The following MED27 variants were observed in gnomAD, a reference collection of about 807,000 sequenced individuals.
The protein encoded by MED27 is mediator of RNA polymerase II transcription subunit 27.
A neutral mutation model predicts 38.2 loss-of-function variants in MED27; 30 were observed. The ratio of observed to expected loss-of-function variants is 0.79; its 90% CI spans 0.59 to 1.07. The LOEUF is 1.07. Among genes scored for constraint, MED27 ranks in the 50% least tolerant of loss-of-function variants. MED27 has a pLI of 0.00. For synonymous variants in MED27, 122 were observed against 153.5 expected (o/e 0.79, Z 1.52); for missense variants, 289 against 397.5 (o/e 0.73, Z 2.32).
At chr9:132,054,908 A>T (rs1833543915) in intron 2 of MED27, among the ~76,000 whole-genome samples, 1 of 152,174 alleles carries the variant, frequency 6.6e-6, no homozygotes, top group African/African-American at 2.4e-5. Context: ...GCCTGTCAGA[A>T]GCAGTCACCC....
intron 3 of MED27, among the ~76,000 whole-genome samples, chr9:131,991,988 T>A (rs1831986335): frequency 6.6e-6 from 1 of 152,214 alleles, no homozygotes; most frequent in Non-Finnish European, 1.5e-5. Context: ...CCCAAAGTGC[T>A]GGGATTAGAG....
At chr9:131,964,610 A>T (rs1831301517) in intron 3 of MED27, among the ~76,000 whole-genome samples, 1 of 152,164 alleles carries the variant, frequency 6.6e-6, no homozygotes, top group Non-Finnish European at 1.5e-5. Flanking sequence ...AAGAGAAAGA[A>T]GGCGGCAAGG....
At chr9:131,958,521 C>T (rs555173893) in intron 3 of MED27, among the ~76,000 whole-genome samples, 2 of 152,332 alleles carry the variant, frequency 1.3e-5, no homozygotes, top group East Asian at 1.9e-4. Context: ...GTTGGGATTA[C>T]AGGCGTGAGC....
At position 131,889,478 on chromosome 9, in the gene MED27, G is replaced by A. The variant is rs1199292194; in HGVS notation, c.681+4407C>T. Among the ~76,000 whole-genome samples the A allele has an allele frequency of 1.3e-5, 2 of 152,116 alleles. No individual in the cohort carries two copies. The highest frequency in any genetic ancestry group is 2.4e-5 in the African/African-American group (1 of 41,430). On this transcript the variant is annotated intron_variant, in intron 5 of 7. Coordinates refer to ENST00000292035, the MANE Select transcript of MED27 (RefSeq NM_004269.4). This position sits in a 1 kb window ranked among gnomAD's most constrained non-coding sequence, Gnocchi z 4.2. ...ATCCTGCCTTTTAACATGCTGAGTC[G>A]TGGCTCTTGCTACTCCCTGAGTACA...
chr9:132,043,644 AT>A (rs1833270410), intron 2 of MED27, among the ~76,000 whole-genome samples: 2 of 152,226 alleles, frequency 1.3e-5, no homozygotes, highest in Admixed American at 1.3e-4. Flanking sequence ...ACTGAAAAAA[AT>A]AATTTTCAAT....
At chr9:132,033,718 T>C (rs1226078331) in intron 2 of MED27, among the ~76,000 whole-genome samples, 1 of 152,262 alleles carries the variant, frequency 6.6e-6, no homozygotes, top group Non-Finnish European at 1.5e-5. Context: ...TTGTTTTTGC[T>C]TTTGTCAGTG....
At chr9:131,949,291 G>A (rs939121678) in intron 3 of MED27, among the ~76,000 whole-genome samples, 3 of 152,148 alleles carry the variant, frequency 2.0e-5, no homozygotes, top group East Asian at 1.9e-4. Context: ...GGCGGGGCCC[G>A]AGCTTGGCCT....
intron 2 of MED27, among the ~76,000 whole-genome samples, chr9:132,040,745 T>G (rs2131119175): frequency 6.6e-6 from 1 of 152,344 alleles, no homozygotes; most frequent in Non-Finnish European, 1.5e-5. Context: ...GTACGCCCTG[T>G]GCACGTGCAC....
intron 3 of MED27, among the ~76,000 whole-genome samples, chr9:131,945,345 T>C (rs1203145291): frequency 6.6e-6 from 1 of 151,970 alleles, no homozygotes; most frequent in South Asian, 2.1e-4. Flanking sequence ...ATGTACAACC[T>C]GTTGTTTTGA....
At position 131,862,276 on chromosome 9, in the gene MED27, T is replaced by C. The variant is rs1021222606; in HGVS notation, c.801+787A>G. ...AGTCGGTTCTCTAACCGGCAGACTT[T>C]CTAGCATGAAGAAAACAGGGAGTCC... On this transcript the variant is annotated intron_variant, in intron 7 of 7. Coordinates refer to ENST00000292035, the MANE Select transcript of MED27 (RefSeq NM_004269.4). This position sits in a 1 kb window ranked among gnomAD's most constrained non-coding sequence, Gnocchi z 4.6. Among the ~76,000 whole-genome samples the C allele has an allele frequency of 3.3e-5, 5 of 152,214 alleles. No individual in the cohort carries two copies. The highest frequency in any genetic ancestry group is 6.5e-5 in the Admixed American group (1 of 15,290).
chr9:131,938,557 A>T (rs528971023), intron 4 of MED27, among the ~76,000 whole-genome samples: 3 of 152,188 alleles, frequency 2.0e-5, no homozygotes, highest in Non-Finnish European at 4.4e-5. Flanking sequence ...GTCTTCGGTG[A>T]ATTCATGCAA....
chr9:131,892,918 C>T (rs1398251326), intron 5 of MED27, among the ~76,000 whole-genome samples: 3 of 152,216 alleles, frequency 2.0e-5, no homozygotes, highest in East Asian at 1.9e-4. Flanking sequence ...GTCCTTGGAG[C>T]AGGAGTTGCA....
chr9:131,928,354 A>G (rs1271699352), intron 4 of MED27, among the ~76,000 whole-genome samples: 2 of 152,194 alleles, frequency 1.3e-5, no homozygotes, highest in African/African-American at 4.8e-5. Context: ...CCCTGCAGGA[A>G]CACCAATTTT....
intron 4 of MED27, among the ~76,000 whole-genome samples, chr9:131,925,777 C>CGG (rs1830472952): frequency 6.6e-6 from 1 of 152,236 alleles, no homozygotes; most frequent in Non-Finnish European, 1.5e-5. Flanking sequence ...GCAGCTCCTG[C>CGG]GGGGGCGGTG....
At chr9:131,910,913 A>AC (rs1019280642) in intron 4 of MED27, among the ~76,000 whole-genome samples, 1 of 149,748 alleles carries the variant, frequency 6.7e-6, no homozygotes, top group Non-Finnish European at 1.5e-5. Context: ...ATCCCTCCCC[A>AC]CCCCCCACAA....
chr9:132,000,477 A>G (rs1832202549), intron 3 of MED27, among the ~76,000 whole-genome samples: 1 of 152,184 alleles, frequency 6.6e-6, no homozygotes, highest in South Asian at 2.1e-4. Flanking sequence ...CACACCTACC[A>G]TATGACCTAG....
intron 4 of MED27, among the ~76,000 whole-genome samples, chr9:131,906,178 G>A (rs747228586): frequency 3.3e-5 from 5 of 152,286 alleles, no homozygotes; most frequent in African/African-American, 4.8e-5. Context: ...GCCAAGCATC[G>A]TTCTAAGGAC....
intron 4 of MED27, among the ~76,000 whole-genome samples, chr9:131,933,319 T>C (rs1830624078): frequency 6.6e-6 from 1 of 152,082 alleles, no homozygotes; most frequent in Non-Finnish European, 1.5e-5. Context: ...AGGGTCAAAT[T>C]ATCCTTGTTA....
chr9:132,014,751 T>C (rs1832566266), intron 2 of MED27, among the ~76,000 whole-genome samples: 1 of 152,172 alleles, frequency 6.6e-6, no homozygotes, highest in Non-Finnish European at 1.5e-5. Flanking sequence ...TTGATTAAAA[T>C]AGAGAAAGAA....
Sources: gnomAD v4.1 joint callset for allele counts (sites outside exome capture counted in the v4.1 genomes callset) on GRCh38, gnomAD v4.1.1 for gene constraint, Gnocchi (gnomAD v3.1) non-coding constraint, MANE v1.5 for transcripts, NCBI Gene and HGNC (gene_info 2026-07-23, HGNC 2026-07-21) for gene names.